The following NKAIN2 variants were observed in gnomAD, a reference collection of about 807,000 sequenced individuals.
NKAIN2 encodes sodium/potassium-transporting ATPase subunit beta-1-interacting protein 2.
NKAIN2 carries 14 observed loss-of-function variants against 32.6 expected under a neutral mutation model. The ratio of observed to expected loss-of-function variants is 0.43; its 90% CI spans 0.28 to 0.67. The LOEUF (loss-of-function observed/expected upper bound fraction) is 0.67. Ranked by LOEUF, NKAIN2 falls within the 30% of genes least tolerant of loss-of-function variation. The probability of loss-of-function intolerance (pLI) is 0.17; values close to 1 mark genes in which losing one functional copy is unlikely to be tolerated. For synonymous variants in NKAIN2, 80 were observed against 87.2 expected (o/e 0.92, Z 0.46); for missense variants, 198 against 258.3 (o/e 0.77, Z 1.60).
chr6:124,201,821 A>C (rs1236920371), intron 1 of NKAIN2, among the ~76,000 whole-genome samples: 1 of 152,018 alleles, frequency 6.6e-6, no homozygotes, highest in Non-Finnish European at 1.5e-5. Flanking sequence ...AAATGTTCTC[A>C]CTTTGGAATT....
At chr6:124,349,510 C>T (rs771669072) in intron 2 of NKAIN2, among the ~76,000 whole-genome samples, 1 of 152,174 alleles carries the variant, frequency 6.6e-6, no homozygotes, top group Non-Finnish European at 1.5e-5. Context: ...CATTAATTGT[C>T]AATCATTAAT....
chr6:123,981,829 G>A (rs74706995), intron 1 of NKAIN2, among the ~76,000 whole-genome samples: 104 of 152,226 alleles, frequency 6.8e-4, no homozygotes, highest in African/African-American at 2.5e-3. Flanking sequence ...GGGATGGAGA[G>A]GGAGAGCAGG....
At chr6:124,028,873 ATG>A (rs1442958446) in intron 1 of NKAIN2, among the ~76,000 whole-genome samples, 16 of 44,110 alleles carry the variant, frequency 3.6e-4, no homozygotes, top group Non-Finnish European at 3.8e-4. Context: ...ATACACATAT[ATG>A]TATATATATG....
chr6:124,633,790 A>G (rs1783664996), intron 3 of NKAIN2, among the ~76,000 whole-genome samples: 1 of 152,186 alleles, frequency 6.6e-6, no homozygotes. Context: ...CTAGAGCCCG[A>G]GGACCAGTCC....
At chr6:124,109,573 G>C (rs1785276151) in intron 1 of NKAIN2, among the ~76,000 whole-genome samples, 1 of 151,938 alleles carries the variant, frequency 6.6e-6, no homozygotes, top group Non-Finnish European at 1.5e-5. Context: ...GAATATTTTA[G>C]TTCTTTCTGT....
intron 1 of NKAIN2, among the ~76,000 whole-genome samples, chr6:124,177,104 T>C (rs556408271): frequency 2.6e-5 from 4 of 152,272 alleles, no homozygotes; most frequent in African/African-American, 4.8e-5. Context: ...CTACCAAATA[T>C]TTTTTGAAAA....
intron 4 of NKAIN2, among the ~76,000 whole-genome samples, chr6:124,661,607 G>A (rs1212154047): frequency 2.6e-5 from 4 of 152,112 alleles, no homozygotes; most frequent in African/African-American, 7.2e-5. Context: ...TGGGACGAGG[G>A]GCTATTAATC....
intron 2 of NKAIN2, among the ~76,000 whole-genome samples, chr6:124,319,424 A>G (rs931807743): frequency 6.6e-6 from 1 of 152,124 alleles, no homozygotes; most frequent in Non-Finnish European, 1.5e-5. Flanking sequence ...CTGTGCATTC[A>G]GTAACAGAGC....
chr6:124,084,642 A>AAAAGTG (rs1784113644), intron 1 of NKAIN2, among the ~76,000 whole-genome samples: 1 of 151,948 alleles, frequency 6.6e-6, no homozygotes, highest in African/African-American at 2.4e-5. Context: ...CACTTTATCC[A>AAAAGTG]GGAAAGTCCG....
chr6:123,898,129 A>T (rs1171839691), intron 1 of NKAIN2, among the ~76,000 whole-genome samples: 1 of 152,206 alleles, frequency 6.6e-6, no homozygotes, highest in African/African-American at 2.4e-5. Context: ...AATTATGATG[A>T]TTGGATCCTG....
chr6:124,017,738 T>A (rs1269739618), intron 1 of NKAIN2, among the ~76,000 whole-genome samples: 2 of 152,168 alleles, frequency 1.3e-5, no homozygotes, highest in African/African-American at 4.8e-5. Flanking sequence ...CCTGGCCTTC[T>A]GCAGCTCTAC....
At chr6:123,981,873 C>CG (rs1421907050) in intron 1 of NKAIN2, among the ~76,000 whole-genome samples, 1 of 151,916 alleles carries the variant, frequency 6.6e-6, no homozygotes, top group Non-Finnish European at 1.5e-5. Flanking sequence ...GGGAGGTTGA[C>CG]GGGATCCAGA....
At chr6:124,397,192 G>T (rs1478290944) in intron 3 of NKAIN2, among the ~76,000 whole-genome samples, 1 of 151,832 alleles carries the variant, frequency 6.6e-6, no homozygotes, top group Non-Finnish European at 1.5e-5. Flanking sequence ...CATTTATAGT[G>T]TAGTGTTCCT....
chr6:124,482,611 C>T (rs1198144080), intron 3 of NKAIN2, among the ~76,000 whole-genome samples: 1 of 152,136 alleles, frequency 6.6e-6, no homozygotes, highest in Admixed American at 6.5e-5. Flanking sequence ...ATATGACTTG[C>T]CATCCTCAAA....
rs539169796 is a variant in NKAIN2 at position 124,004,539 on chromosome 6, A to ACATTTTT, written c.54+200285_54+200286insCATTTTT. Among the ~76,000 whole-genome samples, 347 of 152,120 alleles carry ACATTTTT rather than the reference A, an allele frequency of 2.3e-3. 1 individual carries two copies. The highest frequency in any genetic ancestry group is 8.0e-3 in the African/African-American group (334 of 41,510). The stretch of plus-strand genomic sequence containing the variant: ...TCAAAGGTGAACTTAAAGATTAAAA[A>ACATTTTT]AATTTTCAGTTTGCTGAGAATGATG... On this transcript the variant is annotated intron_variant, in intron 1 of 6. Transcript: ENST00000368417.
At chr6:123,869,880 A>G (rs1210397776) in intron 1 of NKAIN2, among the ~76,000 whole-genome samples, 1 of 152,166 alleles carries the variant, frequency 6.6e-6, no homozygotes, top group Non-Finnish European at 1.5e-5. Flanking sequence ...TTCTTTACAT[A>G]GGAAAAAATA....
At chr6:124,638,867 G>C (rs1783875689) in intron 3 of NKAIN2, among the ~76,000 whole-genome samples, 1 of 143,604 alleles carries the variant, frequency 7.0e-6, no homozygotes, top group South Asian at 2.2e-4. Flanking sequence ...CTCCAGCCTG[G>C]GGGCAGAGTG....
chr6:124,357,926 A>C (rs939759803), intron 3 of NKAIN2, among the ~76,000 whole-genome samples: 2 of 145,424 alleles, frequency 1.4e-5, no homozygotes, highest in Admixed American at 1.3e-4. Context: ...TCCCTCCCCC[A>C]ACCCGCACGC....
intron 1 of NKAIN2, among the ~76,000 whole-genome samples, chr6:124,131,940 G>A (rs557834637): frequency 6.6e-6 from 1 of 152,322 alleles, no homozygotes; most frequent in South Asian, 2.1e-4. Flanking sequence ...CACTGCCATT[G>A]TGAGCAGATG....
Sources: gnomAD v4.1 joint callset for allele counts (sites outside exome capture counted in the v4.1 genomes callset) on GRCh38, gnomAD v4.1.1 for gene constraint, MANE v1.5 for transcripts, NCBI Gene and HGNC (gene_info 2026-07-23, HGNC 2026-07-21) for gene names.